The following GRAMD2B variants were observed in gnomAD, a reference collection of about 807,000 sequenced individuals.
GRAMD2B encodes GRAM domain containing 2B.
In GRAMD2B, 41 loss-of-function variants were observed where a neutral mutation model predicts 59.2. That is an observed-to-expected ratio of 0.69 (90% CI 0.54 to 0.90). GRAMD2B has a LOEUF of 0.90. GRAMD2B is among the 40% of genes least tolerant of loss of function. The pLI is 0.00. For missense variants in GRAMD2B, 424 were observed against 500.5 expected (o/e 0.85, Z 1.46); for synonymous variants, 161 against 182.7 (o/e 0.88, Z 0.96).
At chr5:126,428,123 C>T (rs950235470) in intron 1 of GRAMD2B, among the ~76,000 whole-genome samples, 38 of 152,034 alleles carry the variant, frequency 2.5e-4, no homozygotes, top group Non-Finnish European at 3.8e-4. Flanking sequence ...ATCCCAACTA[C>T]TAGGGAGGCT....
intron 1 of GRAMD2B, among the ~76,000 whole-genome samples, chr5:126,397,528 C>T (rs554691991): frequency 1.6e-4 from 25 of 152,126 alleles, no homozygotes; most frequent in South Asian, 6.2e-4. Context: ...CTGGCTTTGA[C>T]GTTTATTTTC....
At chr5:126,489,518 T>C (rs1773553413) in intron 13 of GRAMD2B, among the ~76,000 whole-genome samples, 1 of 152,202 alleles carries the variant, frequency 6.6e-6, no homozygotes, top group Non-Finnish European at 1.5e-5. Context: ...AAGTTGTGCT[T>C]AGAAGCTCTC....
At chr5:126,380,351 A>T (rs1755560472) in intron 1 of GRAMD2B, among the ~76,000 whole-genome samples, 1 of 152,008 alleles carries the variant, frequency 6.6e-6, no homozygotes. Flanking sequence ...ATGCCTCCAT[A>T]ATTGTTCCTT....
chr5:126,450,440 T>A (rs776400989), intron 1 of GRAMD2B, among the ~76,000 whole-genome samples: 13 of 152,270 alleles, frequency 8.5e-5, no homozygotes, highest in Non-Finnish European at 1.5e-4. Context: ...ATAATTTTTG[T>A]AAGGTCAGAC....
intron 13 of GRAMD2B, among the ~76,000 whole-genome samples, chr5:126,491,396 T>G (rs759155121): frequency 6.6e-6 from 1 of 152,244 alleles, no homozygotes; most frequent in Admixed American, 6.5e-5. Context: ...AACAGTATAG[T>G]AGAAAGAGCA....
intron 1 of GRAMD2B, among the ~76,000 whole-genome samples, chr5:126,393,784 C>T (rs1018316300): frequency 2.0e-5 from 3 of 151,918 alleles, no homozygotes; most frequent in African/African-American, 4.8e-5. Context: ...AATGTTTCCT[C>T]GAAAAAAATG....
chr5:126,484,615 C>CT, intron 10 of GRAMD2B, 91 bp downstream of exon 10: 1 of 1,331,178 alleles, frequency 7.5e-7, no homozygotes, highest in Non-Finnish European at 1.0e-6. Flanking sequence ...GCATCTTGCT[C>CT]TATCACCCAG....
intron 1 of GRAMD2B, among the ~76,000 whole-genome samples, chr5:126,435,040 T>C (rs975915797): frequency 2.0e-5 from 3 of 151,828 alleles, no homozygotes; most frequent in African/African-American, 7.3e-5. Context: ...GTTCAGTAAC[T>C]TTTATGTGCT....
chr5:126,417,751 G>A (rs996535456), intron 1 of GRAMD2B, among the ~76,000 whole-genome samples: 8 of 152,196 alleles, frequency 5.3e-5, no homozygotes, highest in African/African-American at 1.9e-4. Context: ...ATTCACACCT[G>A]AAGGTCCTTG....
intron 5 of GRAMD2B, among the ~76,000 whole-genome samples, chr5:126,473,977 A>G (rs1188501595): frequency 1.3e-5 from 2 of 152,202 alleles, no homozygotes; most frequent in Non-Finnish European, 2.9e-5. Flanking sequence ...GGGAGCAGAG[A>G]CACATGACAT....
upstream of GRAMD2B, among the ~76,000 whole-genome samples, chr5:126,421,758 A>G (rs369425632): frequency 2.9e-4 from 44 of 152,310 alleles, no homozygotes; most frequent in African/African-American, 9.1e-4. Flanking sequence ...AAGAACTTGC[A>G]CCTCCAAAAT....
At chr5:126,371,027 C>T (rs1754721797), upstream of GRAMD2B, among the ~76,000 whole-genome samples, 1 of 152,212 alleles carries the variant, frequency 6.6e-6, no homozygotes, top group Non-Finnish European at 1.5e-5. Context: ...ATTGCTCACC[C>T]TGTTGGTCAG....
intron 2 of GRAMD2B, among the ~76,000 whole-genome samples, chr5:126,468,772 G>A (rs558112550): frequency 6.6e-6 from 1 of 152,242 alleles, no homozygotes; most frequent in South Asian, 2.1e-4. Context: ...ACAGGCATGA[G>A]CCACTGTGCC....
At position 126,480,257 on chromosome 5, in the gene GRAMD2B, TTTTATGGGAGAATGTTTGC is replaced by T. The variant is rs368394029; in HGVS notation, c.583-193_583-175del. 1,136 of 547,064 alleles carry T rather than the reference TTTTATGGGAGAATGTTTGC, an allele frequency of 2.1e-3. 5 individuals carry two copies. Among genetic ancestry groups the T allele is most frequent in the African/African-American group, 0.015 (771 of 52,408 alleles). The allele number at this position is 547,064 out of a possible 1,614,324, so 33.9% of individuals were successfully genotyped here. ...AAATTGGGTTTGAAGATTTTGTTGC[TTTTATGGGAGAATGTTTGC>T]TTTATTACAGGAATGGAATAAAAAT... On this transcript the variant is annotated intron_variant, in intron 6 of 13. Coordinates refer to ENST00000285689, the MANE Select transcript of GRAMD2B (RefSeq NM_023927.4).
intron 1 of GRAMD2B, among the ~76,000 whole-genome samples, chr5:126,417,696 A>G (rs1759376576): frequency 6.6e-6 from 1 of 152,248 alleles, no homozygotes; most frequent in Non-Finnish European, 1.5e-5. Flanking sequence ...TGCAGCCACC[A>G]AAGATAACTC....
upstream of GRAMD2B, among the ~76,000 whole-genome samples, chr5:126,367,844 C>T (rs1433896564): frequency 6.6e-6 from 1 of 152,154 alleles, no homozygotes; most frequent in Non-Finnish European, 1.5e-5. Flanking sequence ...CTCCACCTTC[C>T]CGGTTCACGC....
At chr5:126,480,737 A>G in intron 8 of GRAMD2B, 30 bp downstream of exon 8, 1 of 1,576,582 alleles carries the variant, frequency 6.3e-7, no homozygotes, top group Non-Finnish European at 8.7e-7. Context: ...ATCTAAATGC[A>G]AAAGAAAGGG....
At chr5:126,393,310 C>T (rs549782178) in intron 1 of GRAMD2B, among the ~76,000 whole-genome samples, 1 of 152,274 alleles carries the variant, frequency 6.6e-6, no homozygotes, top group Admixed American at 6.5e-5. Flanking sequence ...AAAATATTAT[C>T]TCACTAATAG....
chr5:126,366,522 G>C (rs566287600), upstream of GRAMD2B, among the ~76,000 whole-genome samples: 1 of 152,254 alleles, frequency 6.6e-6, no homozygotes, highest in Non-Finnish European at 1.5e-5. Context: ...ACTATGTACA[G>C]GCTTCATACT....
Sources: allele counts gnomAD v4.1 joint callset (sites outside exome capture counted in the v4.1 genomes callset), GRCh38; gene constraint gnomAD v4.1.1; transcripts MANE v1.5; gene names NCBI Gene and HGNC (gene_info 2026-07-23, HGNC 2026-07-21).